Variants in VWA8 observed in about 807,000 individuals in gnomAD.
VWA8 encodes the protein von Willebrand factor A domain-containing protein 8.
In VWA8, 221 loss-of-function variants were observed where a neutral mutation model predicts 241.5. That is an observed-to-expected ratio of 0.91 (90% CI 0.82 to 1.02). The LOEUF is 1.02. VWA8 is among the 50% of genes least tolerant of loss of function. VWA8 has a pLI of 0.00. For synonymous variants in VWA8, 852 were observed against 827.1 expected, an observed-to-expected ratio of 1.03 and a Z score of -0.52; for missense variants, 2,322 against 2,328.7, an observed-to-expected ratio of 1.00 and a Z score of 0.06.
At chr13:41,879,447 C>G (rs1393163985) in intron 9 of VWA8, among the ~76,000 whole-genome samples, 2 of 151,264 alleles carry the variant, frequency 1.3e-5, no homozygotes, top group Non-Finnish European at 3.0e-5. Flanking sequence ...GGTTATTTCA[C>G]TGCTTCCATC....
chr13:41,866,392 CGTGTGTGT>C (rs71700459), intron 10 of VWA8, among the ~76,000 whole-genome samples: 2 of 148,900 alleles, frequency 1.3e-5, no homozygotes, highest in African/African-American at 2.5e-5. Flanking sequence ...TGTGTGTGCG[CGTGTGTGT>C]GTGTATATGT....
At chr13:41,611,296 G>C (rs2044586401) in intron 39 of VWA8, among the ~76,000 whole-genome samples, 1 of 152,220 alleles carries the variant, frequency 6.6e-6, no homozygotes. Flanking sequence ...AGGGACCATT[G>C]TGTAGACTTA....
intron 42 of VWA8, among the ~76,000 whole-genome samples, chr13:41,583,290 A>C (rs1387621064): frequency 6.6e-6 from 1 of 152,154 alleles, no homozygotes; most frequent in East Asian, 1.9e-4. Flanking sequence ...TTGGAAATAC[A>C]GGGGATATTG....
Position 41,615,050 on chromosome 13 carries a change from C to G in VWA8, c.4646G>C (p.Ser1549Thr), listed in dbSNP as rs762166688. 1 of 1,613,958 alleles carries G rather than the reference C, an allele frequency of 6.2e-7. No individual in the cohort carries two copies. Among genetic ancestry groups the G allele is most frequent in the East Asian group, 2.2e-5 (1 of 44,874 alleles). Residue 1549 changes from serine to threonine, a missense_variant, in exon 38 of 45, where the codon AGC becomes ACC. Ser to Thr is a moderately conservative substitution (Grantham distance 58). Coordinates refer to ENST00000379310, the MANE Select transcript of VWA8 (RefSeq NM_015058.2). ...GTCCTCCTTCCCGTGTTTGGGGGAG[C>G]TTACATCTTCACCACTGTCTCTGTT... is the stretch of plus-strand genomic sequence containing the variant. Reference protein sequence around the residue: ...TINRDSGEDVSSPKHGKEDPD... With the variant: ...TINRDSGEDVTSPKHGKEDPD...
intron 15 of VWA8, among the ~76,000 whole-genome samples, chr13:41,818,544 T>C (rs1038430118): frequency 4.6e-5 from 7 of 151,864 alleles, no homozygotes; most frequent in African/African-American, 4.8e-5. Context: ...GCGTGGGCAA[T>C]AGAGCAAGAC....
At chr13:41,911,062 C>CTT (rs5803108) in intron 3 of VWA8, among the ~76,000 whole-genome samples, 19 of 97,974 alleles carry the variant, frequency 1.9e-4, no homozygotes, top group African/African-American at 3.8e-4. Context: ...CATTTTCTTT[C>CTT]TTTTTTTTTT....
intron 39 of VWA8, among the ~76,000 whole-genome samples, chr13:41,610,005 C>T (rs751586859): frequency 2.0e-5 from 3 of 152,176 alleles, no homozygotes; most frequent in African/African-American, 2.4e-5. Flanking sequence ...AGGAGAAGGG[C>T]GTACATACTT....
rs775011400 is a variant in VWA8, at chr13:41,912,039, A to C, written c.371T>G (p.Leu124Trp). 6.3e-7 allele frequency: 1 copy of C among 1,576,264 alleles called. No homozygotes were observed. The highest frequency in any genetic ancestry group is 8.6e-7 in the Non-Finnish European group (1 of 1,160,104). ...PLRRSIAMQY[L>W]ELTKREVEYI... ...AATTGACAAGAATTAACTGCTCACCAAGTACTGCATAGCAATAGAGCGTCG... is the reference window on the plus strand; with the variant it reads ...AATTGACAAGAATTAACTGCTCACCCAGTACTGCATAGCAATAGAGCGTCG... Residue 124 changes from leucine to tryptophan, a missense_variant and splice_region_variant, in exon 3 of 45, where the codon TTG (leucine) becomes TGG (tryptophan). Physicochemically the swap from Leu to Trp is moderately conservative, Grantham distance 61 (BLOSUM62 -2). Coordinates refer to ENST00000379310, the MANE Select transcript of VWA8 (RefSeq NM_015058.2).
At position 41,680,700 on chromosome 13, in the gene VWA8, T is replaced by C. The variant is rs61310328; in HGVS notation, c.4327+4347A>G. On this transcript the variant is annotated intron_variant, in intron 35 of 44. Coordinates refer to ENST00000379310, the MANE Select transcript of VWA8 (RefSeq NM_015058.2). ...TAGATTAGGATGGGATGGACCAGGA[T>C]CCCCTTTATGCTACTGGAACACCTT... Among the ~76,000 whole-genome samples the C allele has an allele frequency of 4.8e-3, 733 of 152,214 alleles. 3 individuals carry two copies. The highest frequency in any genetic ancestry group is 0.015 in the South Asian group (71 of 4,818).
At chr13:41,915,907 C>T (rs949823597) in intron 2 of VWA8, among the ~76,000 whole-genome samples, 1 of 152,156 alleles carries the variant, frequency 6.6e-6, no homozygotes, top group Non-Finnish European at 1.5e-5. Flanking sequence ...TAATTTATTG[C>T]ATTCCTATCA....
intron 21 of VWA8, among the ~76,000 whole-genome samples, chr13:41,737,885 A>T (rs9525539): frequency 1.2e-4 from 17 of 143,824 alleles, no homozygotes; most frequent in East Asian, 2.3e-4. Context: ...ATGTAAAATT[A>T]AAAAAAAGAA....
chr13:41,638,322 G>A (rs780526562), intron 37 of VWA8, among the ~76,000 whole-genome samples: 12 of 152,134 alleles, frequency 7.9e-5, no homozygotes, highest in Non-Finnish European at 1.6e-4. Context: ...ATAAATTTTT[G>A]TAAACTCCTA....
intron 19 of VWA8, among the ~76,000 whole-genome samples, chr13:41,782,359 T>C (rs1272520946): frequency 6.6e-6 from 1 of 152,162 alleles, no homozygotes; most frequent in Non-Finnish European, 1.5e-5. Flanking sequence ...CTTTGTCTCT[T>C]TGTCTCTTTG....
chr13:41,882,604 C>T (rs1208354429), intron 9 of VWA8, among the ~76,000 whole-genome samples: 1 of 152,236 alleles, frequency 6.6e-6, no homozygotes, highest in Non-Finnish European at 1.5e-5. Flanking sequence ...GAGCTGGAGA[C>T]CAGCCCGGCC....
At position 41,778,031 on chromosome 13, in the gene VWA8, A is replaced by G. The variant is rs1566453408; in HGVS notation, c.2303T>C (p.Leu768Pro). 6.2e-7 allele frequency: 1 copy of G among 1,612,480 alleles called. No individual in the cohort carries two copies. The highest frequency in any genetic ancestry group is 8.5e-7 in the Non-Finnish European group (1 of 1,179,464). Reference sequence around the variant, plus strand: ...GTGTTCTCCAAGGAGAAAGTCTTTCAGCATATCTTCCATCACTATCACATG... The same window carrying G: ...GTGTTCTCCAAGGAGAAAGTCTTTCGGCATATCTTCCATCACTATCACATG... ...IQHVIVMEDM[L>P]KDFLLGEHLL... The change falls in exon 20 of 45, where the codon CTG becomes CCG. Residue 768 changes from leucine to proline, a missense_variant. Leu to Pro is a moderately conservative substitution (Grantham distance 98). Transcript: ENST00000379310.
chr13:41,642,803 C>T (rs1048043860), intron 37 of VWA8, among the ~76,000 whole-genome samples: 12 of 151,806 alleles, frequency 7.9e-5, no homozygotes, highest in African/African-American at 2.9e-4. Context: ...GTGACAGGCA[C>T]CTGTGGTCCC....
Position 41,602,817 on chromosome 13 carries a change from C to T in VWA8, c.4986+2351G>A, listed in dbSNP as rs138024336. On this transcript the variant is annotated intron_variant, in intron 40 of 44. Transcript: ENST00000379310. ...ATGGAGGTGATCTTGGTGACAATGA[C>T]GATGTAAAGCACCTAGTAGAATGCC... is the stretch of plus-strand genomic sequence containing the variant. 7.2e-4 allele frequency among the ~76,000 whole-genome samples: 110 copies of T among 152,094 alleles called. 1 individual carries two copies. Among genetic ancestry groups the T allele is most frequent in the African/African-American group, 2.3e-3 (95 of 41,478 alleles).
intron 21 of VWA8, 66 bp downstream of exon 21, chr13:41,761,061 AT>A (rs937779573): frequency 3.0e-5 from 45 of 1,504,576 alleles, no homozygotes; most frequent in Non-Finnish European, 3.7e-5. Flanking sequence ...GTATTTTTAA[AT>A]TGTACCAGGA....
chr13:41,680,948 C>G (rs2045094372), intron 35 of VWA8, among the ~76,000 whole-genome samples: 1 of 152,222 alleles, frequency 6.6e-6, no homozygotes, highest in Non-Finnish European at 1.5e-5. Flanking sequence ...TTTGACTGAA[C>G]TGTAGTCAGG....
Sources: gnomAD v4.1 joint callset for allele counts (sites outside exome capture counted in the v4.1 genomes callset) on GRCh38, gnomAD v4.1.1 for gene constraint, MANE v1.5 for transcripts, NCBI Gene and HGNC (gene_info 2026-07-23, HGNC 2026-07-21) for gene names.